TTC28: variants seen among roughly 807,000 people sequenced by gnomAD.
TTC28 encodes tetratricopeptide repeat domain 28.
TTC28 carries 61 observed loss-of-function variants against 198.0 expected under a neutral mutation model. That is an observed-to-expected ratio of 0.31 (90% confidence interval 0.25 to 0.38). The LOEUF (loss-of-function observed/expected upper bound fraction) is 0.38. TTC28 is among the 10% of genes least tolerant of loss of function. The pLI, the probability that TTC28 is intolerant of heterozygous loss-of-function variation, is 1.00. For missense variants in TTC28, 2,678 were observed against 3,164.0 expected (o/e 0.85, Z 3.69); for synonymous variants, 1,171 against 1,297.8 (o/e 0.90, Z 2.10).
At chr22:28,402,036 CT>C (rs1448522424) in intron 2 of TTC28, among the ~76,000 whole-genome samples, 2 of 152,224 alleles carry the variant, frequency 1.3e-5, no homozygotes, top group Non-Finnish European at 2.9e-5. Context: ...TAAAGTCTGA[CT>C]TCAGCACTAA....
chr22:28,375,560 G>A (rs2046396714), intron 2 of TTC28, among the ~76,000 whole-genome samples: 1 of 152,158 alleles, frequency 6.6e-6, no homozygotes, highest in African/African-American at 2.4e-5. Context: ...ATTAGGAGAG[G>A]GGAGGAAAGG....
intron 2 of TTC28, among the ~76,000 whole-genome samples, chr22:28,529,915 C>T (rs897146879): frequency 1.3e-5 from 2 of 152,122 alleles, no homozygotes; most frequent in African/African-American, 2.4e-5. Context: ...TCACCATCAT[C>T]AAAGACTAAA....
Position 28,105,586 on chromosome 22 carries a change from G to A in TTC28, c.3000C>T (p.Ala1000=), listed in dbSNP as rs1216625602. The change falls in exon 8 of 23, where the codon GCC becomes GCT. Residue 1000 remains alanine, a synonymous_variant. Transcript: ENST00000397906. ...MKDRALESDA[A]CGLGGVYQQM... ...GCTGGTAAACGCCCCCCAGGCCACAGGCTGCGTCACTCTCCAGGGCTCGGT... is the reference window on the plus strand; with the variant it reads ...GCTGGTAAACGCCCCCCAGGCCACAAGCTGCGTCACTCTCCAGGGCTCGGT... The A allele has an allele frequency of 6.4e-7, 1 of 1,551,682 alleles. No homozygotes were observed. Among genetic ancestry groups the A allele is most frequent in the East Asian group, 2.4e-5 (1 of 40,926 alleles).
intron 5 of TTC28, among the ~76,000 whole-genome samples, chr22:28,258,472 C>T (rs867803784): frequency 2.0e-5 from 3 of 151,920 alleles, no homozygotes; most frequent in Non-Finnish European, 2.9e-5. Context: ...ATTTAAATTT[C>T]CCAATTATTT....
chr22:28,297,948 A>G (rs1025015891), intron 3 of TTC28, 96 bp from the exon 4 acceptor site: 5 of 1,353,156 alleles, frequency 3.7e-6, no homozygotes, highest in Non-Finnish European at 5.0e-6. Flanking sequence ...AATGTTTATC[A>G]TATCTTTTGT....
chr22:28,530,348 C>G (rs1000008280), intron 2 of TTC28, among the ~76,000 whole-genome samples: 5 of 151,962 alleles, frequency 3.3e-5, no homozygotes, highest in African/African-American at 4.8e-5. Context: ...AGCGAGAAGA[C>G]AAGTTTAGAG....
At chr22:28,417,830 T>C (rs1418500716) in intron 2 of TTC28, among the ~76,000 whole-genome samples, 1 of 152,216 alleles carries the variant, frequency 6.6e-6, no homozygotes, top group Non-Finnish European at 1.5e-5. Context: ...TGAGGGCCAC[T>C]GTATGAGTCT....
At chr22:28,490,338 C>A (rs1293795384) in intron 2 of TTC28, among the ~76,000 whole-genome samples, 1 of 152,088 alleles carries the variant, frequency 6.6e-6, no homozygotes, top group Non-Finnish European at 1.5e-5. Context: ...CTCATTGCAC[C>A]CCCATTGCTC....
chr22:28,632,253 C>CTTTT (rs765447917), intron 1 of TTC28, among the ~76,000 whole-genome samples: 639 of 49,706 alleles, frequency 0.013, 108 homozygotes, highest in African/African-American at 0.018. Context: ...TTATATTCAA[C>CTTTT]TTTTTTTTTT....
chr22:28,108,573 A>G (rs1194679960), intron 6 of TTC28, among the ~76,000 whole-genome samples, 170 bp from the exon 7 acceptor site: 2 of 152,242 alleles, frequency 1.3e-5, no homozygotes, highest in Non-Finnish European at 2.9e-5. Flanking sequence ...CAGAGAGGAT[A>G]GCTTAAGTTT....
intron 1 of TTC28, among the ~76,000 whole-genome samples, chr22:28,671,627 T>G (rs945501682): frequency 9.1e-6 from 1 of 109,682 alleles, no homozygotes; most frequent in African/African-American, 3.6e-5. Flanking sequence ...AGAACAAGAC[T>G]CCATCTCAAA....
chr22:28,372,369 A>G (rs1287939292), intron 2 of TTC28, among the ~76,000 whole-genome samples: 1 of 152,144 alleles, frequency 6.6e-6, no homozygotes, highest in Non-Finnish European at 1.5e-5. Context: ...CACGCACATA[A>G]TTACAGAACT....
chr22:28,294,036 A>G (rs2044840811), intron 5 of TTC28, among the ~76,000 whole-genome samples: 1 of 152,220 alleles, frequency 6.6e-6, no homozygotes, highest in South Asian at 2.1e-4. Flanking sequence ...GGAATGTGGT[A>G]GCTGGACATA....
intron 2 of TTC28, among the ~76,000 whole-genome samples, chr22:28,446,454 C>T (rs780649688): frequency 2.0e-5 from 3 of 152,128 alleles, no homozygotes; most frequent in African/African-American, 4.8e-5. Flanking sequence ...AGAGGTGGGG[C>T]CTGGTGGGAG....
chr22:28,119,507 C>T (rs748774150), intron 6 of TTC28, among the ~76,000 whole-genome samples: 2 of 152,146 alleles, frequency 1.3e-5, no homozygotes, highest in Admixed American at 6.5e-5. Context: ...GCTCTGCTTA[C>T]GTGGGGATGG....
intron 15 of TTC28, chr22:28,000,175 C>T (rs998273002): frequency 1.3e-5 from 2 of 152,222 alleles, no homozygotes; most frequent in Non-Finnish European, 1.5e-5. Flanking sequence ...GCTATGGAAA[C>T]TTGAGAGACC....
intron 14 of TTC28, 45 bp downstream of exon 14, chr22:28,014,203 T>C (rs1241712885): frequency 5.3e-6 from 8 of 1,521,432 alleles, no homozygotes; most frequent in Non-Finnish European, 7.1e-6. Flanking sequence ...TGGTAAGCGA[T>C]GTGTTCTGAT....
chr22:28,197,840 C>T (rs1373348114), intron 5 of TTC28, among the ~76,000 whole-genome samples: 1 of 151,904 alleles, frequency 6.6e-6, no homozygotes, highest in Non-Finnish European at 1.5e-5. Flanking sequence ...CACAGCAAGA[C>T]CCTGTCTTTA....
At chr22:28,167,530 T>C (rs1314816837) in intron 5 of TTC28, among the ~76,000 whole-genome samples, 2 of 152,176 alleles carry the variant, frequency 1.3e-5, no homozygotes, top group African/African-American at 4.8e-5. Flanking sequence ...CACAAATCAA[T>C]AAACGTAAGC....
Sources: gnomAD v4.1 joint callset for allele counts (sites outside exome capture counted in the v4.1 genomes callset) on GRCh38, gnomAD v4.1.1 for gene constraint, MANE v1.5 for transcripts, NCBI Gene and HGNC (gene_info 2026-07-23, HGNC 2026-07-21) for gene names.